Variants in TDRD3 observed in about 807,000 individuals in gnomAD.
The protein encoded by TDRD3 is tudor domain-containing protein 3.
In TDRD3, 45 loss-of-function variants were observed where a neutral mutation model predicts 86.7. That is an observed-to-expected ratio of 0.52 (90% CI 0.41 to 0.67). The LOEUF (loss-of-function observed/expected upper bound fraction) is 0.67, where lower values mean the gene tolerates loss of function less well. Among genes scored for constraint, TDRD3 ranks in the 30% least tolerant of loss-of-function variants. TDRD3 has a pLI of 0.00. For missense variants in TDRD3, 814 were observed against 889.0 expected (o/e 0.92, Z 1.07); for synonymous variants, 298 against 301.7 (o/e 0.99, Z 0.13).
chr13:60,413,399 A>C (rs1369714431), intron 1 of TDRD3, among the ~76,000 whole-genome samples: 2 of 152,134 alleles, frequency 1.3e-5, no homozygotes, highest in East Asian at 3.9e-4. Flanking sequence ...TCCTGAGCTG[A>C]GATCAGTCCT....
chr13:60,485,301 C>T (rs1435658049), intron 6 of TDRD3, among the ~76,000 whole-genome samples: 1 of 151,558 alleles, frequency 6.6e-6, no homozygotes, highest in East Asian at 1.9e-4. Flanking sequence ...AATATAAAAA[C>T]TTTGAAGCCT....
At chr13:60,409,968 AG>A (rs1424295888) in intron 1 of TDRD3, among the ~76,000 whole-genome samples, 1 of 152,168 alleles carries the variant, frequency 6.6e-6, no homozygotes, top group Non-Finnish European at 1.5e-5. Flanking sequence ...GGAGGGACCC[AG>A]GGGGAGGTAA....
chr13:60,522,621 G>A (rs1487605525), intron 10 of TDRD3, among the ~76,000 whole-genome samples: 2 of 152,190 alleles, frequency 1.3e-5, no homozygotes, highest in Non-Finnish European at 1.5e-5. Flanking sequence ...AAAAAGCTAT[G>A]TAGTCTTTCT....
chr13:60,420,743 C>T (rs1034549208), intron 1 of TDRD3, among the ~76,000 whole-genome samples: 1 of 151,956 alleles, frequency 6.6e-6, no homozygotes. Context: ...GAGATCAAGA[C>T]CATCCTGGCT....
At chr13:60,509,701 A>C (rs1182843380) in intron 8 of TDRD3, 62 bp from the exon 9 acceptor site, 1 of 1,596,642 alleles carries the variant, frequency 6.3e-7, no homozygotes, top group Non-Finnish European at 8.6e-7. Context: ...GTAAGTAGTT[A>C]AAAGTTTATG....
chr13:60,446,887 C>G (rs1299298658), intron 3 of TDRD3, among the ~76,000 whole-genome samples: 1 of 152,124 alleles, frequency 6.6e-6, no homozygotes, highest in African/African-American at 2.4e-5. Flanking sequence ...ACTATAAATG[C>G]ATGACTCTAG....
intron 12 of TDRD3, among the ~76,000 whole-genome samples, chr13:60,564,401 A>T (rs971513547): frequency 6.6e-6 from 1 of 152,140 alleles, no homozygotes; most frequent in Non-Finnish European, 1.5e-5. Context: ...ATTTTAAAAG[A>T]TTTTCTGGTG....
chr13:60,455,856 T>C (rs564406628), intron 3 of TDRD3, among the ~76,000 whole-genome samples: 1 of 152,026 alleles, frequency 6.6e-6, no homozygotes, highest in South Asian at 2.1e-4. Flanking sequence ...TCACCTGAGG[T>C]CCAGAGTTCG....
chr13:60,526,947 G>T (rs1191449776), intron 10 of TDRD3, among the ~76,000 whole-genome samples: 1 of 151,898 alleles, frequency 6.6e-6, no homozygotes, highest in Non-Finnish European at 1.5e-5. Context: ...CGATTCTCTT[G>T]CCTCAGCTTT....
At chr13:60,437,121 CTTTTTTTTTT>C (rs528500199) in intron 1 of TDRD3, among the ~76,000 whole-genome samples, 1 of 73,760 alleles carries the variant, frequency 1.4e-5, no homozygotes, top group Non-Finnish European at 2.5e-5. Flanking sequence ...ATAAATTAAA[CTTTTTTTTTT>C]TTTTTTTTTT....
chr13:60,561,334 G>T (rs1401558175), intron 12 of TDRD3, among the ~76,000 whole-genome samples: 1 of 152,092 alleles, frequency 6.6e-6, no homozygotes, highest in Non-Finnish European at 1.5e-5. Context: ...TTCCAGTTCT[G>T]GCTCTTCCAC....
At chr13:60,530,065 C>T (rs1957544076) in intron 11 of TDRD3, among the ~76,000 whole-genome samples, 1 of 152,146 alleles carries the variant, frequency 6.6e-6, no homozygotes, top group African/African-American at 2.4e-5. Context: ...TTGACCTGCC[C>T]CATCCTCCTA....
intron 10 of TDRD3, among the ~76,000 whole-genome samples, chr13:60,517,480 T>C (rs1428958228): frequency 6.6e-6 from 1 of 152,192 alleles, no homozygotes; most frequent in Non-Finnish European, 1.5e-5. Flanking sequence ...TATGGTAGAG[T>C]GCCTGTTTGG....
At chr13:60,497,174 C>T (rs1392162860) in intron 8 of TDRD3, among the ~76,000 whole-genome samples, 1 of 152,076 alleles carries the variant, frequency 6.6e-6, no homozygotes, top group Non-Finnish European at 1.5e-5. Context: ...CGGCGGTGAA[C>T]AGCAGTGGTG....
chr13:60,539,005 C>T (rs1450609920), intron 12 of TDRD3, among the ~76,000 whole-genome samples: 3 of 152,120 alleles, frequency 2.0e-5, no homozygotes, highest in Non-Finnish European at 4.4e-5. Context: ...AGGAAATGAT[C>T]ATTGTTCAGC....
chr13:60,406,027 T>G (rs1954225185), intron 1 of TDRD3, among the ~76,000 whole-genome samples: 1 of 152,206 alleles, frequency 6.6e-6, no homozygotes, highest in African/African-American at 2.4e-5. Context: ...ACAATTCAGT[T>G]AGGGACTGTT....
intron 1 of TDRD3, among the ~76,000 whole-genome samples, chr13:60,401,849 A>T (rs1037070958): frequency 1.3e-5 from 2 of 152,150 alleles, no homozygotes; most frequent in Non-Finnish European, 2.9e-5. Context: ...CTTTCCCTTC[A>T]TTTCACCTTT....
intron 11 of TDRD3, among the ~76,000 whole-genome samples, chr13:60,533,039 C>T (rs1957620319): frequency 6.6e-6 from 1 of 152,004 alleles, no homozygotes; most frequent in African/African-American, 2.4e-5. Flanking sequence ...CCTGAACTGG[C>T]ATAATTTGGC....
At chr13:60,499,732 C>T (rs890978447) in intron 8 of TDRD3, among the ~76,000 whole-genome samples, 11 of 152,216 alleles carry the variant, frequency 7.2e-5, no homozygotes, top group Admixed American at 5.2e-4. Flanking sequence ...TGGTGTGGGG[C>T]GTGTTGAGAT....
Sources: gnomAD v4.1 joint callset for allele counts (sites outside exome capture counted in the v4.1 genomes callset) on GRCh38, gnomAD v4.1.1 for gene constraint, MANE v1.5 for transcripts, NCBI Gene and HGNC (gene_info 2026-07-23, HGNC 2026-07-21) for gene names.